KLHL8: variants seen among roughly 807,000 people sequenced by gnomAD.
KLHL8 encodes kelch-like protein 8.
KLHL8 carries 38 observed loss-of-function variants against 63.5 expected under a neutral mutation model. The ratio of observed to expected loss-of-function variants is 0.60; its 90% CI spans 0.46 to 0.78. The LOEUF is 0.78. Ranked by LOEUF, KLHL8 falls within the 30% of genes least tolerant of loss-of-function variation. The pLI, the probability that KLHL8 is intolerant of heterozygous loss-of-function variation, is 0.00. For missense variants in KLHL8, 566 were observed against 752.4 expected (o/e 0.75, Z 2.90); for synonymous variants, 224 against 254.3 (o/e 0.88, Z 1.13).
upstream of KLHL8, among the ~76,000 whole-genome samples, chr4:87,221,858 C>A (rs1272651908): frequency 6.6e-6 from 1 of 151,994 alleles, no homozygotes; most frequent in Non-Finnish European, 1.5e-5. Context: ...AATGCAAATA[C>A]CTTTAGAAAA....
chr4:87,220,312 G>A (rs1445438659), intron 1 of KLHL8, 106 bp downstream of exon 1: 1 of 152,636 alleles, frequency 6.6e-6, no homozygotes, highest in Non-Finnish European at 1.5e-5. Flanking sequence ...GTTGCGACTT[G>A]GGGGCTGGGG....
intron 1 of KLHL8, among the ~76,000 whole-genome samples, chr4:87,202,809 T>G (rs1477326926): frequency 6.6e-6 from 1 of 152,174 alleles, no homozygotes; most frequent in African/African-American, 2.4e-5. Flanking sequence ...TCCAACTTAT[T>G]TCATGAGAAA....
At position 87,185,727 on chromosome 4, in the gene KLHL8, G is replaced by A. The variant is rs745453324; in HGVS notation, c.289C>T (p.Leu97Phe). 16 of 1,613,394 alleles carry A rather than the reference G, an allele frequency of 9.9e-6. No individual in the cohort carries two copies. Among genetic ancestry groups the A allele is most frequent in the Admixed American group, 8.3e-5 (5 of 59,884 alleles). ...TGCTTGGCTTCAGCCATTTCAGAAA[G>A]AAACATGGCTCTAAAGTAGGGAATA... The part of the protein sequence containing the change: ...CVIPYFRAMF[L>F]SEMAEAKQTL... Residue 97 changes from leucine (L) to phenylalanine (F), a missense_variant, in exon 3 of 10, where the codon CTT becomes TTT. By Grantham distance (22) the Leu-to-Phe change is conservative. Transcript: ENST00000273963.
At chr4:87,175,863 C>T (rs1730799008) in intron 6 of KLHL8, among the ~76,000 whole-genome samples, 1 of 152,020 alleles carries the variant, frequency 6.6e-6, no homozygotes, top group Non-Finnish European at 1.5e-5. Context: ...AAATTGAGGA[C>T]TATTTTCTTA....
intron 1 of KLHL8, among the ~76,000 whole-genome samples, chr4:87,218,320 C>T (rs1398872273): frequency 1.3e-5 from 2 of 151,944 alleles, no homozygotes; most frequent in Non-Finnish European, 2.9e-5. Flanking sequence ...TCACTTCCAC[C>T]TCCCAGGTTC....
At chr4:87,237,809 A>C (rs1733258000) in intron 1 of KLHL8, among the ~76,000 whole-genome samples, 1 of 152,158 alleles carries the variant, frequency 6.6e-6, no homozygotes, top group Non-Finnish European at 1.5e-5. Flanking sequence ...TTTGGGTGAC[A>C]GAGTGAGACC....
intron 1 of KLHL8, among the ~76,000 whole-genome samples, chr4:87,212,977 G>T (rs956686122): frequency 6.6e-6 from 1 of 152,116 alleles, no homozygotes; most frequent in Non-Finnish European, 1.5e-5. Flanking sequence ...AATGACACAC[G>T]CAATATTAGA....
intron 1 of KLHL8, among the ~76,000 whole-genome samples, chr4:87,234,989 G>A (rs746504380): frequency 6.6e-6 from 1 of 152,142 alleles, no homozygotes; most frequent in Non-Finnish European, 1.5e-5. Flanking sequence ...AAATATTTTT[G>A]AATGGCTGTA....
At chr4:87,168,122 C>A (rs1730476140) in intron 8 of KLHL8, among the ~76,000 whole-genome samples, 1 of 152,128 alleles carries the variant, frequency 6.6e-6, no homozygotes, top group Non-Finnish European at 1.5e-5. Flanking sequence ...CCTGCTGTTA[C>A]TTGGTTTTGC....
At chr4:87,175,303 A>G (rs1405291121) in intron 6 of KLHL8, among the ~76,000 whole-genome samples, 2 of 152,216 alleles carry the variant, frequency 1.3e-5, no homozygotes, top group Non-Finnish European at 2.9e-5. Context: ...CAATACAACT[A>G]TAACTCCCTT....
intron 6 of KLHL8, among the ~76,000 whole-genome samples, chr4:87,173,972 C>T (rs7656992): frequency 0.15 from 22,462 of 149,794 alleles, 3,504 homozygotes; most frequent in African/African-American, 0.39. Context: ...TTTTTTTAAT[C>T]TTTCATATTT....
chr4:87,213,235 A>G (rs1314004249), intron 1 of KLHL8, among the ~76,000 whole-genome samples: 1 of 152,234 alleles, frequency 6.6e-6, no homozygotes, highest in Non-Finnish European at 1.5e-5. Context: ...TTTTACCTAA[A>G]TATGCGAACT....
chr4:87,215,955 T>C (rs1355435689), intron 1 of KLHL8, among the ~76,000 whole-genome samples: 2 of 152,352 alleles, frequency 1.3e-5, no homozygotes, highest in East Asian at 1.9e-4. Flanking sequence ...AGATTATGTA[T>C]ATATCATCAT....
intron 4 of KLHL8, 59 bp from the exon 5 acceptor site, chr4:87,178,679 A>G: frequency 6.8e-7 from 1 of 1,463,806 alleles, no homozygotes; most frequent in Non-Finnish European, 9.0e-7. Context: ...AAAAAATTAG[A>G]AAGCCAAAAC....
rs1279851225 is a variant in KLHL8 at position 87,178,510 on chromosome 4, G to A, written c.1063C>T (p.Arg355Ter). 9 of 1,611,374 alleles carry A rather than the reference G, an allele frequency of 5.6e-6. No homozygotes were observed. The highest frequency in any genetic ancestry group is 1.1e-5 in the South Asian group (1 of 90,526). The change falls in exon 5 of 10, where the codon CGA becomes TGA. Residue 355 changes from arginine to a stop codon, truncating the protein, a stop_gained. Transcript: ENST00000273963. LOFTEE classifies it high-confidence loss of function. ...GAGATTACACCCACATGTCGCCTTC[G>A]ACTATTCATTTCTGGTCCAAAGAAC... ...SWFFGPEMNS[R>*]RRHVGVISVE...
rs367639531 is a variant in KLHL8 at position 87,185,641 on chromosome 4, G to A, written c.375C>T (p.Val125=). The change falls in exon 3 of 10, where the codon GTC becomes GTT. Residue 125 remains valine, a synonymous_variant. Coordinates refer to ENST00000273963, the MANE Select transcript of KLHL8 (RefSeq NM_020803.5). ...GDAIEDLVKF[V]YSSRLTLTVD... Reference sequence around the variant, plus strand: ...CAGTCAAAGTGAGCCGTGAAGAATAGACAAACTTTACCAAGTCTTCTATTG... The same window carrying A: ...CAGTCAAAGTGAGCCGTGAAGAATAAACAAACTTTACCAAGTCTTCTATTG... The A allele has an allele frequency of 3.5e-5, 57 of 1,614,056 alleles. No individual in the cohort carries two copies. Among genetic ancestry groups the A allele is most frequent in the Non-Finnish European group, 4.4e-5 (52 of 1,180,026 alleles).
At chr4:87,190,873 CCT>C (rs2110005135) in intron 2 of KLHL8, among the ~76,000 whole-genome samples, 1 of 152,164 alleles carries the variant, frequency 6.6e-6, no homozygotes, top group South Asian at 2.1e-4. Context: ...CTATCTGTGG[CCT>C]CTTTTTCTTT....
At chr4:87,172,844 T>C (rs898872119) in intron 6 of KLHL8, among the ~76,000 whole-genome samples, 1 of 152,182 alleles carries the variant, frequency 6.6e-6, no homozygotes, top group East Asian at 1.9e-4. Flanking sequence ...CTTCTCCATT[T>C]TGAATGCAGA....
At position 87,183,354 on chromosome 4, in the gene KLHL8, C is replaced by G; in HGVS notation, c.801G>C (p.Met267Ile). Residue 267 changes from methionine (M) to isoleucine (I), a missense_variant, in exon 4 of 10, where the codon ATG (methionine) becomes ATC (isoleucine). Coordinates refer to ENST00000273963, the MANE Select transcript of KLHL8 (RefSeq NM_020803.5). ...CAATCTGTTCTTTTGCCACAACACCCATAAGAAAATCAACCGGCAACAATG... is the reference window on the plus strand; with the variant it reads ...CAATCTGTTCTTTTGCCACAACACCGATAAGAAAATCAACCGGCAACAATG... ...RLPLLPVDFL[M>I]GVVAKEQIVK... 6.2e-7 allele frequency: 1 copy of G among 1,610,492 alleles called. No homozygotes were observed. Among genetic ancestry groups the G allele is most frequent in the Non-Finnish European group, 8.5e-7 (1 of 1,177,520 alleles).
Sources: gnomAD v4.1 joint callset for allele counts (sites outside exome capture counted in the v4.1 genomes callset) on GRCh38, gnomAD v4.1.1 for gene constraint, MANE v1.5 for transcripts, NCBI Gene and HGNC (gene_info 2026-07-23, HGNC 2026-07-21) for gene names.